The following MAMLD1 variants were observed in gnomAD, a reference collection of about 807,000 sequenced individuals.
MAMLD1 encodes mastermind-like domain-containing protein 1.
Under a neutral mutation model 45.0 loss-of-function variants are expected in MAMLD1, and 14 were observed. The observed-to-expected ratio is 0.31, with a 90% CI of 0.21 to 0.49. The LOEUF is 0.49. Ranked by LOEUF, MAMLD1 falls within the 20% of genes least tolerant of loss-of-function variation. MAMLD1 has a pLI of 0.99. For missense variants in MAMLD1, 543 were observed against 603.6 expected (o/e 0.90, Z 1.05); for synonymous variants, 254 against 247.8 (o/e 1.02, Z -0.24).
Position 150,397,547 on chromosome X carries a change from T to C in MAMLD1, c.-64+34017T>C, listed in dbSNP as rs782150175. On this transcript the variant is annotated intron_variant, in intron 1 of 7. Coordinates refer to ENST00000370401, the MANE Select transcript of MAMLD1 (RefSeq NM_005491.5). ...TGTTTGGGAATATGGAATAAACTAGTGACTTTCAAATCTGGATCTTAGCCC... is the reference window on the plus strand; with the variant it reads ...TGTTTGGGAATATGGAATAAACTAGCGACTTTCAAATCTGGATCTTAGCCC... 1.3e-4 allele frequency among the ~76,000 whole-genome samples: 14 copies of C among 111,756 alleles called. No individual in the cohort carries two copies. The South Asian group carries it at 5.3e-3, about 42-fold the overall frequency.
chrX:150,363,013 G>A (rs781917254), upstream of MAMLD1: 1 of 113,157 alleles, frequency 8.8e-6, no homozygotes, highest in East Asian at 2.8e-4. Flanking sequence ...AAAGACTGGT[G>A]GGAGGGCCCG....
chrX:150,371,445 C>T lies in MAMLD1; in HGVS notation c.-64+7915C>T, dbSNP rs182773205. ...GACACTAGACCACAGGGACAGTTTTCTGCTGATTTTGGAAGAGATCATTGG... is the reference window on the plus strand; with the variant it reads ...GACACTAGACCACAGGGACAGTTTTTTGCTGATTTTGGAAGAGATCATTGG... On this transcript the variant is annotated intron_variant, in intron 1 of 7. Transcript: ENST00000370401. Among the ~76,000 whole-genome samples, 5 of 110,861 alleles carry T rather than the reference C, an allele frequency of 4.5e-5. No individual in the cohort carries two copies. The East Asian group carries it at 1.1e-3, about 25-fold the overall frequency.
intron 1 of MAMLD1, among the ~76,000 whole-genome samples, chrX:150,365,010 TC>T (rs2031300432): frequency 8.9e-6 from 1 of 112,074 alleles, no homozygotes; most frequent in Non-Finnish European, 1.9e-5. Flanking sequence ...CGCCGGGGCT[TC>T]CCGGCCGCCA....
chrX:150,387,168 C>T (rs1345059026), intron 1 of MAMLD1, among the ~76,000 whole-genome samples: 4 of 111,503 alleles, frequency 3.6e-5, no homozygotes, highest in African/African-American at 1.3e-4. Flanking sequence ...TTTTCTCAAT[C>T]TAAGGATTAT....
At chrX:150,427,918 G>A (rs782029941) in intron 1 of MAMLD1, among the ~76,000 whole-genome samples, 3 of 111,199 alleles carry the variant, frequency 2.7e-5, no homozygotes, top group South Asian at 7.6e-4. Context: ...TTCCTGTCAT[G>A]CCTAGAGTCA....
rs1602932312 is a variant in MAMLD1, at chrX:150,470,588, C to T, written c.1015C>T (p.Pro339Ser). ...SGLPPPGLSP[P>S]YRPVPSPHPP... is the part of the protein sequence containing the mutation. Reference sequence around the variant, plus strand: ...TCTGCCTCCTCCAGGACTCTCTCCACCTTACCGCCCAGTGCCATCACCACA... The same window carrying T: ...TCTGCCTCCTCCAGGACTCTCTCCATCTTACCGCCCAGTGCCATCACCACA... Residue 339 changes from proline to serine, a missense_variant, in exon 4 of 8, where the codon CCT becomes TCT. Pro to Ser is a moderately conservative substitution (Grantham distance 74). Transcript: ENST00000370401. The T allele has an allele frequency of 8.3e-7, 1 of 1,211,747 alleles. No individual in the cohort carries two copies. Among genetic ancestry groups the T allele is most frequent in the Non-Finnish European group, 1.1e-6 (1 of 895,496 alleles).
intron 1 of MAMLD1, among the ~76,000 whole-genome samples, chrX:150,400,432 A>G (rs1557402387): frequency 9.0e-6 from 1 of 111,556 alleles, no homozygotes; most frequent in East Asian, 2.8e-4. Context: ...CTCTTTTCCT[A>G]ATTGAATACC....
intron 3 of MAMLD1, among the ~76,000 whole-genome samples, chrX:150,467,272 G>A (rs2036254350): frequency 8.9e-6 from 1 of 112,184 alleles, no homozygotes; most frequent in Non-Finnish European, 1.9e-5. Flanking sequence ...CTCCATAATG[G>A]ATTGAGTAAA....
At chrX:150,408,996 C>T (rs2124532387) in intron 1 of MAMLD1, among the ~76,000 whole-genome samples, 1 of 111,604 alleles carries the variant, frequency 9.0e-6, no homozygotes, top group African/African-American at 3.2e-5. Context: ...GCTATAGAGT[C>T]GTGGGCTCCC....
At chrX:150,398,326 GAAGAAGAAGAAGAA>G (rs2033576869) in intron 1 of MAMLD1, among the ~76,000 whole-genome samples, 1 of 88,080 alleles carries the variant, frequency 1.1e-5, no homozygotes, top group Non-Finnish European at 2.3e-5. Flanking sequence ...AGAAGAAGAA[GAAGAAGAAGAAGAA>G]GAGGAAGAGG....
At chrX:150,437,414 T>C (rs1436614582) in intron 1 of MAMLD1, among the ~76,000 whole-genome samples, 2 of 112,087 alleles carry the variant, frequency 1.8e-5, no homozygotes, top group Non-Finnish European at 3.8e-5. Flanking sequence ...CGGTATTATG[T>C]TGAATATCAG....
At chrX:150,447,045 C>G (rs1486044267) in intron 2 of MAMLD1, among the ~76,000 whole-genome samples, 1 of 112,360 alleles carries the variant, frequency 8.9e-6, no homozygotes, top group Non-Finnish European at 1.9e-5. Context: ...TGGTTTTGAT[C>G]AGTGTACAGT....
At chrX:150,459,285 T>C (rs2035965585) in intron 2 of MAMLD1, among the ~76,000 whole-genome samples, 1 of 111,828 alleles carries the variant, frequency 8.9e-6, no homozygotes, top group African/African-American at 3.3e-5. Context: ...CCTCATAAGG[T>C]TACACTGAAG....
At chrX:150,392,614 A>G (rs1035579980) in intron 1 of MAMLD1, among the ~76,000 whole-genome samples, 1 of 109,635 alleles carries the variant, frequency 9.1e-6, no homozygotes, top group Middle Eastern at 4.7e-3. Context: ...GTGGAATATC[A>G]ACTTCCCACT....
chrX:150,505,500 T>A (rs1557408775), intron 6 of MAMLD1, among the ~76,000 whole-genome samples: 1 of 112,338 alleles, frequency 8.9e-6, no homozygotes, highest in Non-Finnish European at 1.9e-5. Context: ...AGGGACTGAC[T>A]GGACTGTCAT....
chrX:150,429,395 TC>T (rs1557403946), intron 1 of MAMLD1, among the ~76,000 whole-genome samples: 1 of 110,574 alleles, frequency 9.0e-6, no homozygotes, highest in Non-Finnish European at 1.9e-5. Flanking sequence ...AGAATTGATG[TC>T]CCCCTGCATC....
chrX:150,437,151 C>G (rs2035148456), intron 1 of MAMLD1, among the ~76,000 whole-genome samples: 1 of 110,972 alleles, frequency 9.0e-6, no homozygotes, highest in African/African-American at 3.3e-5. Context: ...ATGGATGGTG[C>G]CAGCCAAAGC....
rs782346590 is a variant in MAMLD1 at position 150,379,767 on chromosome X, C to T, written c.-64+16237C>T. On this transcript the variant is annotated intron_variant, in intron 1 of 7. Transcript: ENST00000370401. The stretch of plus-strand genomic sequence containing the variant: ...TCTGTGTATTTTCCCATACCCCTTC[C>T]TTACATAAGGGTGGCTTAATAGACA... 3.6e-5 allele frequency among the ~76,000 whole-genome samples: 4 copies of T among 111,767 alleles called. No homozygotes were observed. In the East Asian group the frequency reaches 8.4e-4, roughly 23 times the overall value.
intron 1 of MAMLD1, among the ~76,000 whole-genome samples, chrX:150,374,605 G>A (rs782135541): frequency 2.7e-5 from 3 of 112,071 alleles, no homozygotes; most frequent in Non-Finnish European, 3.8e-5. Context: ...CATAAGTTAC[G>A]CCCAGGCAAA....
Sources: allele counts gnomAD v4.1 joint callset (sites outside exome capture counted in the v4.1 genomes callset), GRCh38; gene constraint gnomAD v4.1.1; transcripts MANE v1.5; gene names NCBI Gene and HGNC (gene_info 2026-07-23, HGNC 2026-07-21).